The following CAP2 variants were observed in gnomAD, a reference collection of about 807,000 sequenced individuals.
CAP2 encodes adenylyl cyclase-associated protein 2.
In CAP2, 24 loss-of-function variants were observed where a neutral mutation model predicts 57.7. That is an observed-to-expected ratio of 0.42 (90% CI 0.30 to 0.58). The LOEUF is 0.58. Ranked by LOEUF, CAP2 falls within the 20% of genes least tolerant of loss-of-function variation. The probability of loss-of-function intolerance (pLI) is 0.22; values close to 1 mark genes in which losing one functional copy is unlikely to be tolerated. For missense variants in CAP2, 501 were observed against 590.3 expected (o/e 0.85, Z 1.57); for synonymous variants, 194 against 207.2 (o/e 0.94, Z 0.55).
In CAP2 at chr6:17,432,615, TG is replaced by T. The variant is rs1213448529; in HGVS notation, c.222+5929del. Among the ~76,000 whole-genome samples the T allele has an allele frequency of 6.6e-5, 10 of 152,334 alleles. No individual in the cohort carries two copies. In the East Asian group the frequency reaches 1.9e-3, roughly 29 times the overall value. On this transcript the variant is annotated intron_variant, in intron 3 of 12. Transcript: ENST00000229922. ...CTCTAGGTTTCATCCAGGCTTTAAA[TG>T]GGGCATCTTCTTTCTTACTGGCTTA...
intron 3 of CAP2, among the ~76,000 whole-genome samples, chr6:17,438,010 C>T (rs1271154391): frequency 6.6e-6 from 1 of 152,070 alleles, no homozygotes; most frequent in Non-Finnish European, 1.5e-5. Context: ...GGGATATTAG[C>T]CTCTGTCTGT....
intron 7 of CAP2, among the ~76,000 whole-genome samples, chr6:17,532,467 A>G (rs1375006528): frequency 2.1e-5 from 3 of 142,664 alleles, no homozygotes; most frequent in Non-Finnish European, 3.1e-5. Flanking sequence ...GAGTTTAGGT[A>G]GGGTGCAGTG....
chr6:17,475,206 A>G (rs569176117), intron 4 of CAP2, among the ~76,000 whole-genome samples: 21 of 151,930 alleles, frequency 1.4e-4, no homozygotes, highest in Middle Eastern at 3.4e-3. Context: ...AAAAAAAAAA[A>G]AAAGAAAGAA....
chr6:17,486,765 G>A (rs148953473), intron 4 of CAP2, among the ~76,000 whole-genome samples: 2,251 of 152,290 alleles, frequency 0.015, 59 homozygotes, highest in African/African-American at 0.05. Context: ...CACTGTTACT[G>A]TAATCCAAAG....
chr6:17,518,662 G>A (rs1762323787), intron 7 of CAP2, among the ~76,000 whole-genome samples: 1 of 151,770 alleles, frequency 6.6e-6, no homozygotes, highest in Admixed American at 6.6e-5. Flanking sequence ...TTTTGAGACA[G>A]GGTCTCACTG....
chr6:17,556,211 C>T (rs1763306806), intron 12 of CAP2, 148 bp from the exon 13 acceptor site: 10 of 619,680 alleles, frequency 1.6e-5, no homozygotes, highest in South Asian at 9.8e-5. Context: ...TGACAAAGAC[C>T]TCCCCATGAC....
intron 3 of CAP2, among the ~76,000 whole-genome samples, chr6:17,431,958 C>T (rs1759749538): frequency 6.6e-6 from 1 of 151,946 alleles, no homozygotes; most frequent in South Asian, 2.1e-4. Flanking sequence ...GCAGAAGGAA[C>T]CATGTCAGAA....
At chr6:17,396,555 C>G (rs151185201) in intron 1 of CAP2, among the ~76,000 whole-genome samples, 1 of 152,138 alleles carries the variant, frequency 6.6e-6, no homozygotes, top group African/African-American at 2.4e-5. Context: ...CAAAATATCA[C>G]GTACTGTATG....
intron 6 of CAP2, among the ~76,000 whole-genome samples, chr6:17,512,380 A>T (rs1762176718): frequency 6.6e-6 from 1 of 152,030 alleles, no homozygotes; most frequent in Non-Finnish European, 1.5e-5. Flanking sequence ...TGGGTGACAG[A>T]GCAAGACCCT....
chr6:17,442,095 A>G (rs3777686), intron 3 of CAP2, among the ~76,000 whole-genome samples: 95,930 of 152,008 alleles, frequency 0.63, 31,413 homozygotes, highest in East Asian at 0.84. Flanking sequence ...TCAGTAGTTG[A>G]TACTTTAGGG....
At chr6:17,473,232 G>A (rs1235635060) in intron 4 of CAP2, among the ~76,000 whole-genome samples, 2 of 152,148 alleles carry the variant, frequency 1.3e-5, no homozygotes, top group African/African-American at 4.8e-5. Context: ...TACTAAGTTC[G>A]TTAGAATTCC....
At chr6:17,535,055 A>C (rs1203737867) in intron 7 of CAP2, among the ~76,000 whole-genome samples, 1 of 152,152 alleles carries the variant, frequency 6.6e-6, no homozygotes, top group Non-Finnish European at 1.5e-5. Flanking sequence ...GACATCTTAT[A>C]TTCCCATAGG....
At chr6:17,468,835 A>G (rs750684391) in intron 4 of CAP2, among the ~76,000 whole-genome samples, 2 of 152,222 alleles carry the variant, frequency 1.3e-5, no homozygotes, top group Non-Finnish European at 2.9e-5. Context: ...AACGTAAAAA[A>G]CAATATTCAG....
chr6:17,536,811 G>A lies in CAP2; in HGVS notation c.637-2458G>A, dbSNP rs528830991. Among the ~76,000 whole-genome samples, 188 of 152,278 alleles carry A rather than the reference G, an allele frequency of 1.2e-3. No homozygotes were observed. The South Asian group carries it at 0.022, about 18-fold the overall frequency. On this transcript the variant is annotated intron_variant, in intron 7 of 12. Transcript: ENST00000229922. ...TGCTTATGAGTAAAAGTAATACTTC[G>A]TGGTTCTCAGTGTCTGAGGACTAGA... is the stretch of plus-strand genomic sequence containing the variant.
intron 7 of CAP2, among the ~76,000 whole-genome samples, chr6:17,521,969 C>T (rs905015451): frequency 8.6e-5 from 13 of 152,044 alleles, no homozygotes; most frequent in South Asian, 2.1e-4. Flanking sequence ...ATTAGCTGGG[C>T]GTGGTGGTGC....
chr6:17,466,770 GA>G (rs1231042620), intron 4 of CAP2, among the ~76,000 whole-genome samples: 4 of 152,152 alleles, frequency 2.6e-5, no homozygotes, highest in Admixed American at 6.5e-5. Context: ...GTCAAATCTC[GA>G]ATTCATATTC....
intron 11 of CAP2, among the ~76,000 whole-genome samples, chr6:17,550,797 A>G (rs1454817870): frequency 2.0e-5 from 3 of 152,124 alleles, no homozygotes; most frequent in African/African-American, 4.8e-5. Context: ...CCTCTTTTGT[A>G]TGATCCTACT....
rs374526837 is a variant in CAP2 at position 17,438,930 on chromosome 6, G to A, written c.222+12240G>A. Among the ~76,000 whole-genome samples, 114 of 150,246 alleles carry A rather than the reference G, an allele frequency of 7.6e-4. 1 individual carries two copies. Among genetic ancestry groups the A allele is most frequent in the African/African-American group, 2.6e-3 (105 of 40,260 alleles). ...GTTCAAGACCAGCCTGACCAACATG[G>A]TGAAACCCCGTCTCTACTAAAAACA... is the stretch of plus-strand genomic sequence containing the variant. On this transcript the variant is annotated intron_variant, in intron 3 of 12. Transcript: ENST00000229922.
At chr6:17,427,415 G>A (rs1759621941) in intron 3 of CAP2, among the ~76,000 whole-genome samples, 1 of 152,114 alleles carries the variant, frequency 6.6e-6, no homozygotes, top group African/African-American at 2.4e-5. Context: ...AGCTGACTCA[G>A]TCACCAGCCA....
Sources: gnomAD v4.1 joint callset for allele counts (sites outside exome capture counted in the v4.1 genomes callset) on GRCh38, gnomAD v4.1.1 for gene constraint, MANE v1.5 for transcripts, NCBI Gene and HGNC (gene_info 2026-07-23, HGNC 2026-07-21) for gene names.